Variants in COBL observed in about 807,000 individuals in gnomAD.
COBL encodes the protein protein cordon-bleu.
A neutral mutation model predicts 98.8 loss-of-function variants in COBL; 51 were observed. The ratio of observed to expected loss-of-function variants is 0.52; its 90% CI spans 0.41 to 0.65. The LOEUF is 0.65. Among genes scored for constraint, COBL ranks in the 30% least tolerant of loss-of-function variants. The pLI, the probability that COBL is intolerant of heterozygous loss-of-function variation, is 0.00. For missense variants in COBL, 1,617 were observed against 1,617.5 expected, an observed-to-expected ratio of 1.00 and a Z score of 0.01; for synonymous variants, 634 against 651.7, an observed-to-expected ratio of 0.97 and a Z score of 0.41.
At chr7:51,235,507 T>G (rs1470625246) in intron 1 of COBL, among the ~76,000 whole-genome samples, 1 of 151,622 alleles carries the variant, frequency 6.6e-6, no homozygotes, top group Non-Finnish European at 1.5e-5. Flanking sequence ...GAGTTTTTGT[T>G]GCAGAACTTT....
chr7:51,310,501 T>C (rs1051101029), intron 1 of COBL, among the ~76,000 whole-genome samples: 1 of 152,162 alleles, frequency 6.6e-6, no homozygotes, highest in African/African-American at 2.4e-5. Flanking sequence ...GCAGCCTCTG[T>C]CTGGAGAGAG....
chr7:51,257,045 T>C (rs1181874206), intron 1 of COBL, among the ~76,000 whole-genome samples: 2 of 152,172 alleles, frequency 1.3e-5, no homozygotes, highest in Non-Finnish European at 2.9e-5. Context: ...ACATATATTG[T>C]TGCATAGCCT....
intron 7 of COBL, among the ~76,000 whole-genome samples, chr7:51,080,743 T>C (rs915133197): frequency 2.0e-5 from 3 of 152,256 alleles, no homozygotes; most frequent in African/African-American, 7.2e-5. Flanking sequence ...CCACTGAGCT[T>C]CCACACAGCC....
At chr7:51,018,811 G>A (rs1458165218) in intron 12 of COBL, among the ~76,000 whole-genome samples, 2 of 148,382 alleles carry the variant, frequency 1.3e-5, no homozygotes, top group African/African-American at 5.0e-5. Flanking sequence ...AGAATAGCTT[G>A]AACCCGGGAG....
intron 1 of COBL, among the ~76,000 whole-genome samples, chr7:51,312,121 A>T (rs947527589): frequency 4.5e-4 from 69 of 152,196 alleles, no homozygotes; most frequent in Admixed American, 3.7e-3. Flanking sequence ...TAGGAGTTCA[A>T]GACCAGCCTG....
intron 1 of COBL, among the ~76,000 whole-genome samples, chr7:51,251,861 T>TACAC (rs373984921): frequency 2.6e-5 from 4 of 151,524 alleles, no homozygotes; most frequent in African/African-American, 9.7e-5. Flanking sequence ...TGCATGTGTA[T>TACAC]ACACACACAC....
intron 1 of COBL, among the ~76,000 whole-genome samples, chr7:51,314,919 A>G (rs1803391870): frequency 6.6e-6 from 1 of 152,228 alleles, no homozygotes; most frequent in Admixed American, 6.5e-5. Context: ...TACCAGGCTG[A>G]AAAGAGTGCC....
rs980736608 is a variant in COBL at position 51,028,381 on chromosome 7, T to C, written c.2715A>G (p.Ala905=). The change falls in exon 10 of 13, where the codon GCA becomes GCG. Residue 905 remains alanine (A), a synonymous_variant. Transcript: ENST00000265136. ...TGTCATCTTTCACAGTGACAGGTGG[T>C]GCAGCCAGCACTGGCGCCTTGCCTG... The part of the protein sequence containing the change: ...GYAGKAPVLA[A]PPVTVKDDRT... 14 of 1,614,148 alleles carry C rather than the reference T, an allele frequency of 8.7e-6. No individual in the cohort carries two copies. The highest frequency in any genetic ancestry group is 6.7e-5 in the East Asian group (3 of 44,896).
chr7:51,176,242 T>C (rs758224242), intron 5 of COBL, among the ~76,000 whole-genome samples: 5 of 152,180 alleles, frequency 3.3e-5, no homozygotes, highest in Admixed American at 2.0e-4. Context: ...CTTGGAAAGG[T>C]ACCTTTGGTT....
chr7:51,138,837 T>C (rs1265716567), intron 5 of COBL, among the ~76,000 whole-genome samples: 1 of 152,192 alleles, frequency 6.6e-6, no homozygotes, highest in African/African-American at 2.4e-5. Flanking sequence ...TGGCAGTGCA[T>C]TCCACAACCA....
intron 6 of COBL, among the ~76,000 whole-genome samples, chr7:51,086,119 C>T (rs577902994): frequency 6.6e-6 from 1 of 152,058 alleles, no homozygotes; most frequent in Non-Finnish European, 1.5e-5. Flanking sequence ...CTCATTAGGG[C>T]GAAAGTTTTT....
In COBL at chr7:51,136,282, G is replaced by A. The variant is rs780937117; in HGVS notation, c.833C>T (p.Thr278Met). ...GCCCAGCGAGAGGGATGGACCCAGC[G>A]TAAGAGAACGTGAGTGCATGGATGG... is the stretch of plus-strand genomic sequence containing the variant. ...NSPSMHSRSL[T>M]LGPSLSLGSI... Residue 278 changes from threonine (T) to methionine (M), a missense_variant, in exon 6 of 13, where the codon ACG becomes ATG. By Grantham distance (81) the Thr-to-Met change is moderately conservative (BLOSUM62 -1). This residue lies in a region of COBL where 1,304 missense variants were observed against 1,282.0 expected (regional missense o/e 1.02). Coordinates refer to ENST00000265136, the MANE Select transcript of COBL (RefSeq NM_015198.5). The A allele has an allele frequency of 8.7e-6, 14 of 1,613,986 alleles. No individual in the cohort carries two copies. Among genetic ancestry groups the A allele is most frequent in the South Asian group, 7.7e-5 (7 of 91,078 alleles).
At chr7:51,248,658 A>G (rs894023326) in intron 1 of COBL, among the ~76,000 whole-genome samples, 5 of 152,202 alleles carry the variant, frequency 3.3e-5, no homozygotes, top group African/African-American at 1.2e-4. Context: ...TTTGGTTTAT[A>G]TCAGTTTTAA....
At chr7:51,172,508 C>A (rs888204187) in intron 5 of COBL, 1 of 1,287,956 alleles carries the variant, frequency 7.8e-7, no homozygotes, top group Admixed American at 2.3e-5. Context: ...GCTGTCTGCA[C>A]CCGACAGCAC....
intron 7 of COBL, among the ~76,000 whole-genome samples, chr7:51,057,544 T>C (rs1790886899): frequency 6.6e-6 from 1 of 152,174 alleles, no homozygotes; most frequent in South Asian, 2.1e-4. Flanking sequence ...GCACTGTGCG[T>C]CTGCTTGTAA....
At chr7:51,173,994 T>C (rs1788123161) in intron 5 of COBL, among the ~76,000 whole-genome samples, 1 of 152,176 alleles carries the variant, frequency 6.6e-6, no homozygotes, top group Non-Finnish European at 1.5e-5. Flanking sequence ...CACCTTAAGT[T>C]TTAAATGCCT....
intron 5 of COBL, among the ~76,000 whole-genome samples, chr7:51,168,248 C>A (rs1787513927): frequency 6.6e-6 from 1 of 152,174 alleles, no homozygotes. Context: ...AAAAAATGGG[C>A]AAAAGGCCGG....
intron 6 of COBL, among the ~76,000 whole-genome samples, chr7:51,112,643 G>A (rs930167449): frequency 6.6e-6 from 1 of 152,132 alleles, no homozygotes; most frequent in Non-Finnish European, 1.5e-5. Context: ...GCATGGGGTC[G>A]GCTGTCCTTT....
intron 7 of COBL, among the ~76,000 whole-genome samples, chr7:51,059,288 G>T (rs1791084255): frequency 6.6e-6 from 1 of 152,226 alleles, no homozygotes; most frequent in Admixed American, 6.5e-5. Flanking sequence ...TTGGTGACCA[G>T]AAATATATGC....
Sources: allele counts gnomAD v4.1 joint callset (sites outside exome capture counted in the v4.1 genomes callset), GRCh38; gene constraint gnomAD v4.1.1; regional missense constraint gnomAD v4.1.1; transcripts MANE v1.5; gene names NCBI Gene and HGNC (gene_info 2026-07-23, HGNC 2026-07-21).